The following ACBD5 variants were observed in gnomAD, a reference collection of about 807,000 sequenced individuals.
ACBD5 encodes the protein acyl-CoA-binding domain-containing protein 5.
ACBD5 carries 40 observed loss-of-function variants against 71.8 expected under a neutral mutation model. The observed-to-expected ratio is 0.56, with a 90% CI of 0.43 to 0.72. The LOEUF is 0.72. ACBD5 is among the 30% of genes least tolerant of loss of function. The pLI is 0.00. For synonymous variants in ACBD5, 229 were observed against 218.6 expected (o/e 1.05, Z -0.42); for missense variants, 559 against 644.5 (o/e 0.87, Z 1.44).
At chr10:27,188,030 C>T (rs1312131784) in intron 13 of ACBD5, among the ~76,000 whole-genome samples, 3 of 152,180 alleles carry the variant, frequency 2.0e-5, no homozygotes, top group Non-Finnish European at 4.4e-5. Context: ...TCCTTTTGCA[C>T]ATCGGGTTTA....
Position 27,240,471 on chromosome 10 carries a change from G to C in ACBD5, c.29C>G (p.Ser10Cys). The stretch of plus-strand genomic sequence containing the variant: ...GCAGCAGCAGCACCAGCTTTCCCAA[G>C]AGCCTGCATGAAACTGGAACATGGA... MLFLSFHAG[S>C]WESWCCCCLI... The change falls in exon 2 of 13, where the codon TCT becomes TGT. Residue 10 changes from serine (S) to cysteine (C), a missense_variant. Physicochemically the swap from Ser to Cys is moderately radical, Grantham distance 112 (BLOSUM62 -1). Coordinates refer to ENST00000396271, the MANE Select transcript of ACBD5 (RefSeq NM_145698.5). This position sits in a 1 kb window ranked among gnomAD's most constrained non-coding sequence, Gnocchi z 4.1. 1.2e-6 allele frequency: 2 copies of C among 1,611,256 alleles called. No homozygotes were observed. The highest frequency in any genetic ancestry group is 1.1e-5 in the South Asian group (1 of 90,836).
Position 27,204,446 on chromosome 10 carries a change from C to T in ACBD5, c.1559G>A (p.Arg520Lys). Reference sequence around the variant, plus strand: ...ATGATGAAACTGGTCTTACCTTCTCCTTCTTTGATAGTATAAATACACCAA... The same window carrying T: ...ATGATGAAACTGGTCTTACCTTCTCTTTCTTTGATAGTATAAATACACCAA... The part of the protein sequence containing the change: ...QWLVYLYYQR[R>K]RRKLN The change falls in exon 12 of 13, where the codon AGG becomes AAG. Residue 520 changes from arginine (R) to lysine (K), a missense_variant. Transcript: ENST00000396271. 1 of 1,611,340 alleles carries T rather than the reference C, an allele frequency of 6.2e-7. No homozygotes were observed. The highest frequency in any genetic ancestry group is 8.5e-7 in the Non-Finnish European group (1 of 1,177,666).
rs1290492407 is a variant in ACBD5 at position 27,198,917 on chromosome 10, T to TG, written c.1566-1476dup. 7.2e-5 allele frequency among the ~76,000 whole-genome samples: 11 copies of TG among 151,978 alleles called. No individual in the cohort carries two copies. The South Asian group carries it at 8.3e-4, about 11-fold the overall frequency. ...CGAGGTTGGGAGATCAAGACCATCC[T>TG]GCTAACACGGTGAAACCCCGTCTCT... On this transcript the variant is annotated intron_variant, in intron 12 of 12. Transcript: ENST00000396271.
downstream of ACBD5, among the ~76,000 whole-genome samples, chr10:27,194,642 T>TAAG (rs983621423): frequency 1.7e-3 from 246 of 148,296 alleles, 2 homozygotes; most frequent in African/African-American, 6.0e-3. Context: ...ATAATAATAA[T>TAAG]AATAATAAGA....
At chr10:27,227,399 C>G (rs1355302051) in intron 4 of ACBD5, among the ~76,000 whole-genome samples, 1 of 152,096 alleles carries the variant, frequency 6.6e-6, no homozygotes, top group Admixed American at 6.6e-5. Flanking sequence ...ATTACCACAT[C>G]TCTTAAAGCC....
chr10:27,214,506 C>T (rs2061426578), intron 8 of ACBD5, among the ~76,000 whole-genome samples: 2 of 151,714 alleles, frequency 1.3e-5, no homozygotes, highest in African/African-American at 2.4e-5. Context: ...TGAGCCCAGT[C>T]TAACCCATGA....
intron 12 of ACBD5, among the ~76,000 whole-genome samples, chr10:27,203,503 C>T (rs2060146580): frequency 6.6e-6 from 1 of 152,192 alleles, no homozygotes; most frequent in South Asian, 2.1e-4. Flanking sequence ...CTTTGGGAGG[C>T]CAAGGCGGGC....
intron 4 of ACBD5, among the ~76,000 whole-genome samples, chr10:27,230,387 G>A (rs1248923353): frequency 6.6e-6 from 1 of 151,754 alleles, no homozygotes; most frequent in Admixed American, 6.6e-5. Context: ...AAATCATGTG[G>A]CAAAAAACTA....
Position 27,196,334 on chromosome 10 carries a change from G to GTCTA in ACBD5, c.*1092_*1095dup, listed in dbSNP as rs1428433916. On this transcript the variant is annotated 3_prime_UTR_variant, in exon 13 of 13. Coordinates refer to ENST00000396271, the MANE Select transcript of ACBD5 (RefSeq NM_145698.5). ...GATCTAAATTGTAGTCTTCTTTTTG[G>GTCTA]TCTAGATGAGAGAGGTGGGGAAGAG... 2 of 454,096 alleles carry GTCTA rather than the reference G, an allele frequency of 4.4e-6. No individual in the cohort carries two copies. The highest frequency in any genetic ancestry group is 4.7e-5 in the Admixed American group (2 of 42,552). The allele number at this position is 454,096 out of a possible 1,614,324, so 28.1% of individuals were successfully genotyped here.
chr10:27,219,874 C>T lies in ACBD5; in HGVS notation c.491-17G>A, dbSNP rs1416476388. 4 of 1,612,430 alleles carry T rather than the reference C, an allele frequency of 2.5e-6. No individual in the cohort carries two copies. Among genetic ancestry groups the T allele is most frequent in the Non-Finnish European group, 3.4e-6 (4 of 1,179,166 alleles). ...TACCAAGATCTAAAACATGAAATGA[C>T]CACTTACTCACAATGTGATAATATA... On this transcript the variant is annotated splice_polypyrimidine_tract_variant and intron_variant, in intron 5 of 12. Coordinates refer to ENST00000396271, the MANE Select transcript of ACBD5 (RefSeq NM_145698.5).
intron 12 of ACBD5, among the ~76,000 whole-genome samples, chr10:27,203,287 C>CA (rs2060125210): frequency 6.6e-6 from 1 of 152,058 alleles, no homozygotes. Flanking sequence ...CACCTGGCAA[C>CA]TTTTTAGATT....
intron 2 of ACBD5, among the ~76,000 whole-genome samples, chr10:27,239,711 T>C (rs1252589607): frequency 1.3e-5 from 2 of 151,674 alleles, no homozygotes; most frequent in Non-Finnish European, 2.9e-5. Flanking sequence ...TATGAGTGTG[T>C]GGCATTAGGC....
At chr10:27,206,308 C>A in intron 10 of ACBD5, among the ~76,000 whole-genome samples, 1 of 150,860 alleles carries the variant, frequency 6.6e-6, no homozygotes, top group African/African-American at 2.4e-5. Flanking sequence ...GTAAAATATT[C>A]TTTAAAAAAA....
chr10:27,219,977 T>C, intron 5 of ACBD5, 120 bp from the exon 6 acceptor site: 1 of 782,866 alleles, frequency 1.3e-6, no homozygotes, highest in Non-Finnish European at 1.8e-6. Context: ...TAAAATGTTA[T>C]ATATATAATA....
intron 12 of ACBD5, among the ~76,000 whole-genome samples, chr10:27,198,015 T>C (rs914456546): frequency 6.6e-6 from 1 of 152,220 alleles, no homozygotes; most frequent in Non-Finnish European, 1.5e-5. Flanking sequence ...TAATTGGCTA[T>C]TACACAATTA....
chr10:27,229,493 G>A (rs1182224283), intron 4 of ACBD5, among the ~76,000 whole-genome samples: 1 of 151,950 alleles, frequency 6.6e-6, no homozygotes, highest in Non-Finnish European at 1.5e-5. Flanking sequence ...TCGGGAGGCT[G>A]AGGCACGCAC....
At chr10:27,199,506 G>A (rs1207941611) in intron 12 of ACBD5, among the ~76,000 whole-genome samples, 2 of 152,144 alleles carry the variant, frequency 1.3e-5, no homozygotes, top group Non-Finnish European at 2.9e-5. Context: ...TAGAAGAAAA[G>A]TCACAGGAAA....
intron 8 of ACBD5, among the ~76,000 whole-genome samples, chr10:27,214,144 A>G (rs1225890116): frequency 2.0e-5 from 3 of 152,230 alleles, no homozygotes; most frequent in African/African-American, 7.2e-5. Flanking sequence ...AGATAGAGAT[A>G]CAATGAATAA....
At chr10:27,231,965 T>C (rs2063924868) in intron 3 of ACBD5, 145 bp from the exon 4 acceptor site, 1 of 750,584 alleles carries the variant, frequency 1.3e-6, no homozygotes, top group African/African-American at 1.8e-5. Context: ...TGTGCTACCA[T>C]GAAGAAAATT....
Sources: gnomAD v4.1 joint callset for allele counts (sites outside exome capture counted in the v4.1 genomes callset) on GRCh38, gnomAD v4.1.1 for gene constraint, Gnocchi (gnomAD v3.1) non-coding constraint, MANE v1.5 for transcripts, NCBI Gene and HGNC (gene_info 2026-07-23, HGNC 2026-07-21) for gene names.